The following PARP8 variants were observed in gnomAD, a reference collection of about 807,000 sequenced individuals.
PARP8 encodes the protein poly(ADP-ribose) polymerase family member 8, also known as protein mono-ADP-ribosyltransferase PARP8.
Under a neutral mutation model 124.1 loss-of-function variants are expected in PARP8, and 51 were observed. That is an observed-to-expected ratio of 0.41 (90% CI 0.33 to 0.52). The LOEUF (loss-of-function observed/expected upper bound fraction) is 0.52. PARP8 is among the 20% of genes least tolerant of loss of function. The probability of loss-of-function intolerance (pLI) is 0.21; values close to 1 mark genes in which losing one functional copy is unlikely to be tolerated. For synonymous variants in PARP8, 391 were observed against 361.5 expected, an observed-to-expected ratio of 1.08 and a Z score of -0.93; for missense variants, 860 against 1,018.9, an observed-to-expected ratio of 0.84 and a Z score of 2.12.
At chr5:50,751,132 A>C (rs1759211615) in intron 3 of PARP8, among the ~76,000 whole-genome samples, 1 of 152,154 alleles carries the variant, frequency 6.6e-6, no homozygotes, top group African/African-American at 2.4e-5. Context: ...ATAATAGTAC[A>C]AATTAAAGCC....
chr5:50,796,904 G>A (rs1742616496), intron 12 of PARP8, 78 bp from the exon 13 acceptor site: 2 of 1,232,596 alleles, frequency 1.6e-6, no homozygotes, highest in African/African-American at 1.5e-5. Flanking sequence ...ATTCACTATT[G>A]CAAAGAGTAA....
At chr5:50,706,069 T>C (rs1183427446) in intron 2 of PARP8, among the ~76,000 whole-genome samples, 1 of 152,162 alleles carries the variant, frequency 6.6e-6, no homozygotes, top group Non-Finnish European at 1.5e-5. Flanking sequence ...CTTTCTAAAT[T>C]GGTTCTATCA....
intron 2 of PARP8, among the ~76,000 whole-genome samples, chr5:50,715,660 G>A (rs896715908): frequency 1.4e-4 from 21 of 151,758 alleles, no homozygotes; most frequent in Admixed American, 3.9e-4. Flanking sequence ...TAGTAACAAG[G>A]GGAACAGGTA....
At chr5:50,738,874 A>G in intron 2 of PARP8, 1 of 650,312 alleles carries the variant, frequency 1.5e-6, no homozygotes, top group South Asian at 1.6e-5. Context: ...TTATTTGTTC[A>G]TGTAATAAAA....
intron 2 of PARP8, among the ~76,000 whole-genome samples, chr5:50,682,885 TC>T (rs949464455): frequency 1.3e-5 from 2 of 152,058 alleles, no homozygotes; most frequent in Non-Finnish European, 2.9e-5. Context: ...TAACGTTTTT[TC>T]CCCCCTTCCT....
chr5:50,737,939 T>A (rs1443039720), intron 2 of PARP8, among the ~76,000 whole-genome samples: 1 of 152,232 alleles, frequency 6.6e-6, no homozygotes, highest in Non-Finnish European at 1.5e-5. Flanking sequence ...AGTGCCCTTA[T>A]AATTCAAATA....
chr5:50,830,655 T>TGC (rs1561443740), intron 22 of PARP8, among the ~76,000 whole-genome samples: 2 of 152,140 alleles, frequency 1.3e-5, no homozygotes, highest in Admixed American at 1.3e-4. Context: ...AAAATAATTA[T>TGC]GCTCATTGTA....
intron 2 of PARP8, among the ~76,000 whole-genome samples, chr5:50,687,537 G>A (rs1387963378): frequency 6.6e-6 from 1 of 152,072 alleles, no homozygotes; most frequent in Non-Finnish European, 1.5e-5. Context: ...ACTCTCTACT[G>A]GTGCCAATTT....
At chr5:50,812,885 T>C (rs1744626353) in intron 14 of PARP8, among the ~76,000 whole-genome samples, 1 of 152,186 alleles carries the variant, frequency 6.6e-6, no homozygotes, top group Non-Finnish European at 1.5e-5. Context: ...GTCAGGTTTG[T>C]CAAAGATCAG....
At chr5:50,801,047 C>T (rs984737237) in intron 14 of PARP8, among the ~76,000 whole-genome samples, 2 of 151,984 alleles carry the variant, frequency 1.3e-5, no homozygotes, top group African/African-American at 2.4e-5. Context: ...TGTGAGCCAT[C>T]ACACCTGGTG....
intron 2 of PARP8, among the ~76,000 whole-genome samples, chr5:50,683,624 G>A (rs528431831): frequency 1.4e-5 from 1 of 69,608 alleles, no homozygotes; most frequent in South Asian, 5.5e-4. Context: ...TTTTCACAGT[G>A]TGTAGTTATT....
chr5:50,667,138 G>C lies in PARP8; in HGVS notation c.43G>C (p.Asp15His), dbSNP rs148675978. 3.1e-6 allele frequency: 5 copies of C among 1,596,252 alleles called. No individual in the cohort carries two copies. In the Admixed American group the frequency reaches 5.0e-5, roughly 16 times the overall value. Residue 15 changes from aspartate (D) to histidine (H), a missense_variant, in exon 1 of 26, where the codon GAC becomes CAC. Asp to His is a moderately conservative substitution (Grantham distance 81). Transcript: ENST00000281631. Reference protein sequence around the residue: ...SRQERIQKDIDVVIQKSRAEK... With the variant: ...SRQERIQKDIHVVIQKSRAEK... Reference sequence around the variant, plus strand: ...GCAAGAGCGAATTCAGAAGGATATCGACGTCGTGATCCAGAAGTCCAGAGC... The same window carrying C: ...GCAAGAGCGAATTCAGAAGGATATCCACGTCGTGATCCAGAAGTCCAGAGC...
At chr5:50,752,019 A>G (rs1759315285) in intron 3 of PARP8, among the ~76,000 whole-genome samples, 1 of 152,104 alleles carries the variant, frequency 6.6e-6, no homozygotes, top group Non-Finnish European at 1.5e-5. Context: ...TTAATAATAG[A>G]TATGAAAGTT....
At chr5:50,709,844 AGTGTGTGTGT>A (rs35238386) in intron 2 of PARP8, among the ~76,000 whole-genome samples, 53 of 127,922 alleles carry the variant, frequency 4.1e-4, no homozygotes, top group East Asian at 2.4e-4. Context: ...TTTGTACAAG[AGTGTGTGTGT>A]GTGTGTGTGT....
chr5:50,787,207 C>G (rs1741359736), intron 9 of PARP8, among the ~76,000 whole-genome samples: 1 of 152,142 alleles, frequency 6.6e-6, no homozygotes, highest in Non-Finnish European at 1.5e-5. Flanking sequence ...GGACGAAGTT[C>G]TATATATCTT....
At chr5:50,780,018 TAAG>T (rs1740490085) in intron 9 of PARP8, among the ~76,000 whole-genome samples, 1 of 152,194 alleles carries the variant, frequency 6.6e-6, no homozygotes, top group Non-Finnish European at 1.5e-5. Flanking sequence ...AAATATGTAA[TAAG>T]AAAAGGAATT....
intron 9 of PARP8, among the ~76,000 whole-genome samples, chr5:50,780,241 T>C (rs1340328037): frequency 6.6e-6 from 1 of 152,226 alleles, no homozygotes; most frequent in Non-Finnish European, 1.5e-5. Context: ...CATAGTTGTA[T>C]GTGTTCTTGC....
chr5:50,756,246 C>T (rs1759938262), intron 3 of PARP8, among the ~76,000 whole-genome samples: 1 of 152,056 alleles, frequency 6.6e-6, no homozygotes, highest in South Asian at 2.1e-4. Context: ...GAGAGGGCAT[C>T]CCTGTCTTGT....
At chr5:50,677,709 T>C (rs544776137) in intron 2 of PARP8, among the ~76,000 whole-genome samples, 1 of 152,320 alleles carries the variant, frequency 6.6e-6, no homozygotes, top group Non-Finnish European at 1.5e-5. Flanking sequence ...ATCCTCAATA[T>C]TTGATGTCTT....
Sources: gnomAD v4.1 joint callset for allele counts (sites outside exome capture counted in the v4.1 genomes callset) on GRCh38, gnomAD v4.1.1 for gene constraint, MANE v1.5 for transcripts, NCBI Gene and HGNC (gene_info 2026-07-23, HGNC 2026-07-21) for gene names.